COL12A1: variants seen among roughly 807,000 people sequenced by gnomAD.
The protein encoded by COL12A1 is collagen type XII alpha 1 chain.
In COL12A1, 114 loss-of-function variants were observed where a neutral mutation model predicts 349.7. The observed-to-expected ratio is 0.33, with a 90% confidence interval of 0.28 to 0.38. The LOEUF is 0.38. COL12A1 is among the 10% of genes least tolerant of loss of function. The pLI is 1.00. For missense variants in COL12A1, 3,284 were observed against 3,756.9 expected (o/e 0.87, Z 3.29); for synonymous variants, 1,369 against 1,329.0 (o/e 1.03, Z -0.66).
intron 43 of COL12A1, 140 bp from the exon 44 acceptor site, chr6:75,121,581 T>A: frequency 9.9e-7 from 1 of 1,007,336 alleles, no homozygotes; most frequent in Non-Finnish European, 1.4e-6. Flanking sequence ...GGGAGCTTGT[T>A]AGAAATGCAG....
At position 75,189,563 on chromosome 6, in the gene COL12A1, T is replaced by C. The variant is rs2149475535; in HGVS notation, c.647A>G (p.Asn216Ser). ...AIKKIPYKGG[N>S]TMTGDAIDYL... ...TCTGTAGAACATACCTGTCATTGTGTTGCCACCTTTATATGGAATTTTTTT... is the reference window on the plus strand; with the variant it reads ...TCTGTAGAACATACCTGTCATTGTGCTGCCACCTTTATATGGAATTTTTTT... The change falls in exon 6 of 66, where the codon AAC becomes AGC. Residue 216 changes from asparagine (N) to serine (S), a missense_variant. Transcript: ENST00000322507. 3.1e-6 allele frequency: 5 copies of C among 1,612,590 alleles called. No homozygotes were observed. Among genetic ancestry groups the C allele is most frequent in the Non-Finnish European group, 3.4e-6 (4 of 1,179,272 alleles).
chr6:75,097,223 G>A (rs767547262), intron 59 of COL12A1, 30 bp downstream of exon 59: 5 of 1,605,648 alleles, frequency 3.1e-6, no homozygotes, highest in African/African-American at 1.3e-5. Flanking sequence ...GGAGTGAAGG[G>A]CACAAAAATG....
At chr6:75,150,785 T>C (rs913065626) in intron 21 of COL12A1, among the ~76,000 whole-genome samples, 12 of 152,100 alleles carry the variant, frequency 7.9e-5, no homozygotes, top group African/African-American at 2.9e-4. Flanking sequence ...TTTATATATA[T>C]GTTGTGTGGG....
rs537035261 is a variant in COL12A1, at chr6:75,134,570, C to G, written c.5524+156G>C. ...TGGGCAATAGAGCAAGACTCCATCT[C>G]AAAAAAAAAGAAAAGAAAAAACTAT... On this transcript the variant is annotated intron_variant, in intron 32 of 65. Transcript: ENST00000322507. Among the ~76,000 whole-genome samples the G allele has an allele frequency of 8.7e-5, 13 of 149,200 alleles. No individual in the cohort carries two copies. In the South Asian group the frequency reaches 1.3e-3, roughly 15 times the overall value.
At chr6:75,171,533 G>T (rs1002171846) in intron 13 of COL12A1, among the ~76,000 whole-genome samples, 11 of 152,196 alleles carry the variant, frequency 7.2e-5, no homozygotes, top group Admixed American at 6.5e-5. Context: ...TAATGCATTT[G>T]AGGTAATCTA....
intron 3 of COL12A1, among the ~76,000 whole-genome samples, chr6:75,193,944 T>C (rs144664993): frequency 0.013 from 1,968 of 152,316 alleles, 41 homozygotes; most frequent in African/African-American, 0.045. Flanking sequence ...CCATGGCATA[T>C]ATGTGCCACA....
intron 22 of COL12A1, 133 bp downstream of exon 22, chr6:75,148,225 A>T: frequency 1.2e-5 from 9 of 756,110 alleles, no homozygotes; most frequent in South Asian, 3.1e-5. Context: ...AAGAATAGAA[A>T]GCACTATTCT....
In COL12A1 at chr6:75,142,106, G is replaced by C. The variant is rs368180489; in HGVS notation, c.4883C>G (p.Thr1628Ser). 3 of 1,614,126 alleles carry C rather than the reference G, an allele frequency of 1.9e-6. No homozygotes were observed. The South Asian group carries it at 3.3e-5, about 18-fold the overall frequency. The change falls in exon 27 of 66, where the codon ACC becomes AGC. Residue 1628 changes from threonine to serine, a missense_variant. Physicochemically the swap from Thr to Ser is moderately conservative, Grantham distance 58. Transcript: ENST00000322507. The part of the protein sequence containing the change: ...STSLKDLFSQ[T>S]LYTVSVSAVH... ...TGCAGAAACGCTGACTGTGTACAAG[G>C]TCTGTGAGAAGAGGTCTTTGAGGGA...
chr6:75,174,571 C>T (rs1218720164), intron 13 of COL12A1, among the ~76,000 whole-genome samples: 2 of 152,026 alleles, frequency 1.3e-5, no homozygotes, highest in Non-Finnish European at 2.9e-5. Flanking sequence ...AAAAAAGAAA[C>T]TTGGATTCTT....
rs573039128 is a variant in COL12A1, at chr6:75,198,637, G to T, written c.74-3690C>A. On this transcript the variant is annotated intron_variant, in intron 2 of 65. Coordinates refer to ENST00000322507, the MANE Select transcript of COL12A1 (RefSeq NM_004370.6). Reference sequence around the variant, plus strand: ...TGTCCATCTTGATATATAACTTTTTGAAACATTTTTAATAGGGCACCCAAA... The same window carrying T: ...TGTCCATCTTGATATATAACTTTTTTAAACATTTTTAATAGGGCACCCAAA... 9.2e-5 allele frequency among the ~76,000 whole-genome samples: 14 copies of T among 152,072 alleles called. No individual in the cohort carries two copies. The East Asian group carries it at 2.7e-3, about 29-fold the overall frequency.
chr6:75,121,493 T>C lies in COL12A1; in HGVS notation c.6947-52A>G, dbSNP rs779870774. On this transcript the variant is annotated intron_variant, in intron 43 of 65. Transcript: ENST00000322507. ...CCCAAATCTCATGAATTCTTTCATTTAAATGAAATCACATAATTGAAAATG... is the reference window on the plus strand; with the variant it reads ...CCCAAATCTCATGAATTCTTTCATTCAAATGAAATCACATAATTGAAAATG... 1.2e-5 allele frequency: 17 copies of C among 1,466,866 alleles called. No homozygotes were observed. The African/African-American group carries it at 1.3e-4, about 11-fold the overall frequency. 90.9% of individuals were successfully genotyped at this position (1,466,866 alleles called of 1,614,324 possible).
chr6:75,089,404 A>G (rs1406681416), intron 63 of COL12A1, among the ~76,000 whole-genome samples: 1 of 152,220 alleles, frequency 6.6e-6, no homozygotes, highest in Non-Finnish European at 1.5e-5. Context: ...AATTATTTGA[A>G]GCAAACAAAC....
At chr6:75,127,655 C>T (rs949615914) in intron 38 of COL12A1, among the ~76,000 whole-genome samples, 5 of 152,130 alleles carry the variant, frequency 3.3e-5, no homozygotes, top group Admixed American at 2.6e-4. Context: ...CACATAGTTA[C>T]ATCAGTATCT....
Position 75,176,330 on chromosome 6 carries a change from G to A in COL12A1, c.2438-1020C>T, listed in dbSNP as rs192972946. ...GGGAGAGTGATGCAGTGGGAGGAGG[G>A]AGAGTGATGCAGTGGGAGGAGGGAG... On this transcript the variant is annotated intron_variant, in intron 12 of 65. Coordinates refer to ENST00000322507, the MANE Select transcript of COL12A1 (RefSeq NM_004370.6). 5.7e-3 allele frequency among the ~76,000 whole-genome samples: 857 copies of A among 151,300 alleles called. 9 individuals carry two copies. Among genetic ancestry groups the A allele is most frequent in the Non-Finnish European group, 8.8e-3 (598 of 67,748 alleles).
chr6:75,186,795 G>T (rs1166726618), intron 8 of COL12A1, among the ~76,000 whole-genome samples: 2 of 152,088 alleles, frequency 1.3e-5, no homozygotes, highest in Non-Finnish European at 2.9e-5. Flanking sequence ...CCATGAAAAA[G>T]AACAAGATCA....
intron 17 of COL12A1, among the ~76,000 whole-genome samples, chr6:75,153,514 T>C (rs1236496102): frequency 1.3e-5 from 2 of 152,144 alleles, no homozygotes; most frequent in Non-Finnish European, 2.9e-5. Context: ...TATTACAAGG[T>C]TAGCATTTGG....
intron 2 of COL12A1, among the ~76,000 whole-genome samples, chr6:75,201,903 C>A (rs1770547601): frequency 6.6e-6 from 1 of 152,190 alleles, no homozygotes; most frequent in Non-Finnish European, 1.5e-5. Flanking sequence ...CGCCCCACTG[C>A]CTCCGCGGGA....
chr6:75,089,952 A>G (rs1582029868), intron 63 of COL12A1, among the ~76,000 whole-genome samples, 158 bp downstream of exon 63: 2 of 152,194 alleles, frequency 1.3e-5, no homozygotes, highest in African/African-American at 4.8e-5. Flanking sequence ...ATGGATCTCT[A>G]TGGCCTATGA....
intron 49 of COL12A1, 67 bp downstream of exon 49, chr6:75,115,717 T>C (rs374554179): frequency 6.5e-7 from 1 of 1,529,702 alleles, no homozygotes. Context: ...TTCTGGGAAG[T>C]CAGCAAATAT....
Sources: allele counts gnomAD v4.1 joint callset (sites outside exome capture counted in the v4.1 genomes callset), GRCh38; gene constraint gnomAD v4.1.1; transcripts MANE v1.5; gene names NCBI Gene and HGNC (gene_info 2026-07-23, HGNC 2026-07-21).